Variants in TMEM63A observed in about 807,000 individuals in gnomAD.
TMEM63A encodes transmembrane protein 63A, also known as mechanosensitive cation channel TMEM63A.
Under a neutral mutation model 100.6 loss-of-function variants are expected in TMEM63A, and 76 were observed. The observed-to-expected ratio is 0.76, with a 90% CI of 0.63 to 0.91. The LOEUF (loss-of-function observed/expected upper bound fraction) is 0.91. Among genes scored for constraint, TMEM63A ranks in the 40% least tolerant of loss-of-function variants. The pLI, the probability that TMEM63A is intolerant of heterozygous loss-of-function variation, is 0.00. For synonymous variants in TMEM63A, 401 were observed against 401.1 expected (o/e 1.00, Z 0.00); for missense variants, 876 against 1,008.8 (o/e 0.87, Z 1.78).
chr1:225,853,618 G>T lies in TMEM63A; in HGVS notation c.1797+11C>A. The T allele has an allele frequency of 6.4e-7, 1 of 1,551,614 alleles. No homozygotes were observed. Among genetic ancestry groups the T allele is most frequent in the Non-Finnish European group, 8.7e-7 (1 of 1,146,548 alleles). On this transcript the variant is annotated intron_variant, in intron 19 of 24. Transcript: ENST00000366835. This position sits in a 1 kb window ranked among gnomAD's most constrained non-coding sequence, Gnocchi z 4.0. ...AGTCAGAGGCACAGCCCTGGGCCCA[G>T]GGGATGGCACCTGCTTGACATTCCT...
chr1:225,868,540 GCCAAGT>G (rs1167992251), intron 6 of TMEM63A, among the ~76,000 whole-genome samples: 2 of 151,474 alleles, frequency 1.3e-5, no homozygotes. Context: ...AAAAAAATTA[GCCAAGT>G]GTGGTGGCAC....
At chr1:225,859,645 T>G (rs1205177214) in intron 14 of TMEM63A, 2 of 361,990 alleles carry the variant, frequency 5.5e-6, no homozygotes, top group Non-Finnish European at 9.9e-6. Context: ...TTTTTTCTTT[T>G]TCTGTTTTTT....
downstream of TMEM63A, chr1:225,842,437 A>G (rs750746972): frequency 1.2e-6 from 2 of 1,613,972 alleles, no homozygotes; most frequent in South Asian, 2.2e-5. Flanking sequence ...CTGGACCAAT[A>G]CGGAATTCCG....
rs1669462075 is a variant in TMEM63A, at chr1:225,853,606, G to A, written c.1797+23C>T. Reference sequence around the variant, plus strand: ...GACATGGGAGGGAGTCAGAGGCACAGCCCTGGGCCCAGGGGATGGCACCTG... The same window carrying A: ...GACATGGGAGGGAGTCAGAGGCACAACCCTGGGCCCAGGGGATGGCACCTG... On this transcript the variant is annotated intron_variant, in intron 19 of 24. Transcript: ENST00000366835. This position sits in a 1 kb window ranked among gnomAD's most constrained non-coding sequence, Gnocchi z 4.0. 3 of 1,536,740 alleles carry A rather than the reference G, an allele frequency of 2.0e-6. No individual in the cohort carries two copies. Among genetic ancestry groups the A allele is most frequent in the Admixed American group, 4.0e-5 (2 of 49,494 alleles).
At position 225,849,028 on chromosome 1, in the gene TMEM63A, G is replaced by A. The variant is rs1337817605; in HGVS notation, c.2072-16C>T. The A allele has an allele frequency of 1.3e-6, 2 of 1,540,044 alleles. No homozygotes were observed. The highest frequency in any genetic ancestry group is 1.8e-6 in the Non-Finnish European group (2 of 1,132,052). The stretch of plus-strand genomic sequence containing the variant: ...GCCTTCATACCTGGTGATAGAGGGT[G>A]GCTAGCCTTGGGGTGGGCAGGGAGG... On this transcript the variant is annotated splice_polypyrimidine_tract_variant and intron_variant, in intron 21 of 24. Coordinates refer to ENST00000366835, the MANE Select transcript of TMEM63A (RefSeq NM_014698.3).
At chr1:225,873,131 G>C (rs2102641792) in intron 4 of TMEM63A, among the ~76,000 whole-genome samples, 1 of 152,330 alleles carries the variant, frequency 6.6e-6, no homozygotes, top group East Asian at 1.9e-4. Flanking sequence ...TCATGGGGAA[G>C]AGAGGACAGA....
intron 3 of TMEM63A, among the ~76,000 whole-genome samples, chr1:225,876,490 G>C (rs1670809602): frequency 6.6e-6 from 1 of 152,178 alleles, no homozygotes; most frequent in Admixed American, 6.5e-5. Flanking sequence ...GTGAAAAGAA[G>C]GGGCACTTTA....
In TMEM63A at chr1:225,882,380, T is replaced by G. The variant is rs1671136037; in HGVS notation, c.-282A>C. The stretch of plus-strand genomic sequence containing the variant: ...CCACTTAAAAGTTACAAAGTGAAAC[T>G]CCGGCGCCTCCTGCACATGCGCAGA... On this transcript the variant is annotated 5_prime_UTR_variant, in exon 1 of 25. Transcript: ENST00000366835. The G allele has an allele frequency of 1.3e-5, 2 of 152,474 alleles. No individual in the cohort carries two copies. The highest frequency in any genetic ancestry group is 4.8e-5 in the African/African-American group (2 of 41,472). The allele number at this position is 152,474 out of a possible 1,614,324, so 9.4% of individuals were successfully genotyped here. A position where few individuals can be genotyped will look rare whatever the true frequency, so the allele number is the denominator to read the frequency against.
At position 225,856,670 on chromosome 1, in the gene TMEM63A, G is replaced by A; in HGVS notation, c.1553C>T (p.Pro518Leu). ...IFLIFMVLILPSLGLTSLDFF... is the reference protein window; with the variant it reads ...IFLIFMVLILLSLGLTSLDFF... ...CATATACCTGGTGAGACCCAGGGAG[G>A]GCAGGATCAGCACCATGAAGATCAA... Residue 518 changes from proline to leucine, a missense_variant, in exon 17 of 25, where the codon CCC becomes CTC. Physicochemically the swap from Pro to Leu is moderately conservative, Grantham distance 98. Coordinates refer to ENST00000366835, the MANE Select transcript of TMEM63A (RefSeq NM_014698.3). 1 of 1,613,640 alleles carries A rather than the reference G, an allele frequency of 6.2e-7. No individual in the cohort carries two copies. The highest frequency in any genetic ancestry group is 8.5e-7 in the Non-Finnish European group (1 of 1,179,908).
rs1670861963 is a variant in TMEM63A, at chr1:225,877,448, C to T, written c.133G>A (p.Val45Ile). Residue 45 changes from valine to isoleucine, a missense_variant, in exon 3 of 25, where the codon GTC becomes ATC. Around this residue, in one of 5 missense-constraint regions of TMEM63A, gnomAD observed 3 missense variants for 18.4 expected, o/e 0.16. Coordinates refer to ENST00000366835, the MANE Select transcript of TMEM63A (RefSeq NM_014698.3). ...ACAGTGGGGATGCCACCAAAGGTGA[C>T]CCCCTGGAGCACGGTGCTGTTTTTG... Reference protein sequence around the residue: ...SAKNSTVLQGVTFGGIPTVLL... With the variant: ...SAKNSTVLQGITFGGIPTVLL... 1.2e-6 allele frequency: 2 copies of T among 1,614,040 alleles called. No individual in the cohort carries two copies. The highest frequency in any genetic ancestry group is 1.1e-5 in the South Asian group (1 of 91,084).
intron 21 of TMEM63A, 78 bp from the exon 22 acceptor site, chr1:225,849,090 C>A: frequency 8.7e-7 from 1 of 1,155,620 alleles, no homozygotes; most frequent in South Asian, 1.4e-5. Flanking sequence ...AGGAAGGGGC[C>A]GCACCTGGTG....
At chr1:225,858,931 G>A (rs145317506) in intron 15 of TMEM63A, among the ~76,000 whole-genome samples, 89 of 150,554 alleles carry the variant, frequency 5.9e-4, no homozygotes, top group African/African-American at 2.2e-3. Flanking sequence ...ATGCATGTGT[G>A]TGTATATATA....
At chr1:225,857,384 C>CGGA (rs1280168716) in intron 15 of TMEM63A, among the ~76,000 whole-genome samples, 2 of 93,868 alleles carry the variant, frequency 2.1e-5, no homozygotes, top group African/African-American at 1.2e-4. Flanking sequence ...GCCGGCGGGG[C>CGGA]GGGGGGGGGG....
chr1:225,858,925 ATGTGTGTGTATATATACATATAATGTG>A (rs1669783486), intron 15 of TMEM63A, among the ~76,000 whole-genome samples: 1 of 149,148 alleles, frequency 6.7e-6, no homozygotes, highest in African/African-American at 2.5e-5. Flanking sequence ...ATATGTATGC[ATGTGTGTGTATATATACATATAATGTG>A]TGTGTGTGTG....
In TMEM63A at chr1:225,857,065, C is replaced by T. The variant is rs778471308; in HGVS notation, c.1378-48G>A. On this transcript the variant is annotated intron_variant, in intron 15 of 24. Coordinates refer to ENST00000366835, the MANE Select transcript of TMEM63A (RefSeq NM_014698.3). ...AGAGAGTCACAGGGGCCGTGGGCCACGCGGCTCTGAGGCCATGACCTATTG... is the reference window on the plus strand; with the variant it reads ...AGAGAGTCACAGGGGCCGTGGGCCATGCGGCTCTGAGGCCATGACCTATTG... 6.0e-6 allele frequency: 9 copies of T among 1,490,306 alleles called. No individual in the cohort carries two copies. In the East Asian group the frequency reaches 7.2e-5, roughly 12 times the overall value. 92.3% of individuals were successfully genotyped at this position (1,490,306 alleles called of 1,614,324 possible). A position where few individuals can be genotyped will look rare whatever the true frequency, so the allele number is the denominator to read the frequency against.
intron 15 of TMEM63A, among the ~76,000 whole-genome samples, chr1:225,857,379 C>CGGGGGGGGGGGGGGGGG (rs369068747): frequency 2.7e-5 from 3 of 112,712 alleles, no homozygotes; most frequent in African/African-American, 8.8e-5. Context: ...TCCTGGCCGG[C>CGGGGGGGGGGGGGGGGG]GGGGCGGGGG....
chr1:225,848,516 C>T lies in TMEM63A; in HGVS notation c.2226G>A (p.Glu742=). 1 of 1,614,160 alleles carries T rather than the reference C, an allele frequency of 6.2e-7. No individual in the cohort carries two copies. The highest frequency in any genetic ancestry group is 8.5e-7 in the Non-Finnish European group (1 of 1,180,040). The change falls in exon 23 of 25, where the codon GAG becomes GAA. Residue 742 remains glutamate (E), a synonymous_variant. Coordinates refer to ENST00000366835, the MANE Select transcript of TMEM63A (RefSeq NM_014698.3). The part of the protein sequence containing the change: ...EPASDKGSEA[E]AHMPPPFTPY... ...CTGTGAACGGTGGGGGCATGTGGGC[C>T]TCTGCCTCACTTCCTTTGTCACTTG...
chr1:225,842,312 C>T (rs558793317), downstream of TMEM63A: 10 of 1,337,900 alleles, frequency 7.5e-6, no homozygotes, highest in East Asian at 2.3e-4. Flanking sequence ...CCTGAAGCTC[C>T]AGCTCTCTGG....
downstream of TMEM63A, chr1:225,844,555 C>T: frequency 6.2e-7 from 1 of 1,614,184 alleles, no homozygotes; most frequent in Non-Finnish European, 8.5e-7. Context: ...CAACAGGCAC[C>T]ATCATCTCCT....
Sources: gnomAD v4.1 joint callset for allele counts (sites outside exome capture counted in the v4.1 genomes callset) on GRCh38, gnomAD v4.1.1 for gene constraint, gnomAD v4.1.1 regional missense constraint, Gnocchi (gnomAD v3.1) non-coding constraint, MANE v1.5 for transcripts, NCBI Gene and HGNC (gene_info 2026-07-23, HGNC 2026-07-21) for gene names.